UBE2E2: variants seen among roughly 807,000 people sequenced by gnomAD.
UBE2E2 encodes the protein ubiquitin conjugating enzyme E2 E2, also known as ubiquitin-conjugating enzyme E2 E2.
Under a neutral mutation model 24.7 loss-of-function variants are expected in UBE2E2, and 6 were observed. That is an observed-to-expected ratio of 0.24 (90% CI 0.13 to 0.48). The LOEUF is 0.48. Ranked by LOEUF, UBE2E2 falls within the 20% of genes least tolerant of loss-of-function variation. UBE2E2 has a pLI of 0.99. For synonymous variants in UBE2E2, 104 were observed against 83.6 expected, an observed-to-expected ratio of 1.24 and a Z score of -1.33; for missense variants, 169 against 245.0, an observed-to-expected ratio of 0.69 and a Z score of 2.07.
chr3:23,356,764 A>G (rs1695966528), intron 3 of UBE2E2, among the ~76,000 whole-genome samples: 1 of 152,262 alleles, frequency 6.6e-6, no homozygotes. Flanking sequence ...AGGTTATGCT[A>G]AATTATGCTG....
chr3:23,562,690 A>G (rs1695963634), intron 5 of UBE2E2, among the ~76,000 whole-genome samples: 1 of 152,096 alleles, frequency 6.6e-6, no homozygotes, highest in Non-Finnish European at 1.5e-5. Context: ...CTGTGAATCC[A>G]TTTGGTCCTG....
intron 3 of UBE2E2, among the ~76,000 whole-genome samples, chr3:23,270,655 T>G (rs1698215944): frequency 6.6e-6 from 1 of 152,196 alleles, no homozygotes; most frequent in African/African-American, 2.4e-5. Flanking sequence ...CTTTCAGTCT[T>G]TTAACTTGCC....
chr3:23,548,301 T>A (rs752575990), intron 5 of UBE2E2, among the ~76,000 whole-genome samples: 1 of 152,230 alleles, frequency 6.6e-6, no homozygotes, highest in Non-Finnish European at 1.5e-5. Context: ...TTACTCCTCT[T>A]TGTCTTGTTC....
intron 5 of UBE2E2, among the ~76,000 whole-genome samples, chr3:23,578,941 A>T (rs995868839): frequency 2.6e-5 from 4 of 152,118 alleles, no homozygotes; most frequent in African/African-American, 4.8e-5. Context: ...TTAAAAAAAA[A>T]TTTTTAAATA....
intron 3 of UBE2E2, among the ~76,000 whole-genome samples, chr3:23,487,989 T>A (rs533581885): frequency 4.7e-4 from 68 of 144,612 alleles, no homozygotes; most frequent in African/African-American, 1.5e-3. Flanking sequence ...AAGGAATATT[T>A]AAAAAAAAAA....
chr3:23,321,879 C>T (rs889444801), intron 3 of UBE2E2, among the ~76,000 whole-genome samples: 2 of 151,808 alleles, frequency 1.3e-5, no homozygotes, highest in African/African-American at 4.8e-5. Context: ...TTTAAAAGCA[C>T]CACCTTCCAG....
intron 5 of UBE2E2, among the ~76,000 whole-genome samples, chr3:23,546,743 G>A (rs1695533343): frequency 6.6e-6 from 1 of 151,558 alleles, no homozygotes; most frequent in Non-Finnish European, 1.5e-5. Context: ...AAATTGCTGG[G>A]ATTACAGGCA....
At chr3:23,213,780 G>A (rs1269492067) in intron 2 of UBE2E2, among the ~76,000 whole-genome samples, 1 of 152,008 alleles carries the variant, frequency 6.6e-6, no homozygotes, top group African/African-American at 2.4e-5. Context: ...TTTTAAATGG[G>A]GACTGATAAA....
chr3:23,310,154 T>G (rs1238112737), intron 3 of UBE2E2, among the ~76,000 whole-genome samples: 3 of 152,190 alleles, frequency 2.0e-5, no homozygotes, highest in African/African-American at 7.2e-5. Context: ...ACACCTTTCC[T>G]TTCCAGATAC....
At chr3:23,428,923 T>C (rs1451147466) in intron 3 of UBE2E2, among the ~76,000 whole-genome samples, 1 of 119,152 alleles carries the variant, frequency 8.4e-6, no homozygotes, top group African/African-American at 3.8e-5. Context: ...TGAGACTCTG[T>C]CTCTTAAAAA....
At position 23,509,288 on chromosome 3, in the gene UBE2E2, A is replaced by G. The variant is rs77169822; in HGVS notation, c.360+9548A>G. Among the ~76,000 whole-genome samples the G allele has an allele frequency of 6.2e-4, 95 of 152,358 alleles. 5 individuals are homozygous for G. The East Asian group carries it at 0.015, about 24-fold the overall frequency. On this transcript the variant is annotated intron_variant, in intron 4 of 5. Coordinates refer to ENST00000396703, the MANE Select transcript of UBE2E2 (RefSeq NM_152653.4). ...GGCTTTTATGGAACCAGATCAAGAC[A>G]TGGAACAGACACCCTGTGTTGATTG...
intron 3 of UBE2E2, among the ~76,000 whole-genome samples, chr3:23,428,976 A>G (rs1179431597): frequency 6.6e-6 from 1 of 151,454 alleles, no homozygotes; most frequent in African/African-American, 2.4e-5. Flanking sequence ...GGCTATCACT[A>G]CAAATATTTT....
intron 3 of UBE2E2, among the ~76,000 whole-genome samples, chr3:23,418,578 G>A (rs900607139): frequency 1.1e-4 from 16 of 152,100 alleles, no homozygotes; most frequent in African/African-American, 2.9e-4. Flanking sequence ...CCTCACCTCC[G>A]GTTACATTAT....
chr3:23,409,217 T>C (rs1177244092), intron 3 of UBE2E2, among the ~76,000 whole-genome samples: 1 of 152,172 alleles, frequency 6.6e-6, no homozygotes, highest in East Asian at 1.9e-4. Flanking sequence ...TTTTTAAAAA[T>C]TCAACACAAC....
At chr3:23,445,534 C>A (rs889176197) in intron 3 of UBE2E2, among the ~76,000 whole-genome samples, 26 of 152,206 alleles carry the variant, frequency 1.7e-4, no homozygotes, top group African/African-American at 6.0e-4. Flanking sequence ...TGCCAAACTT[C>A]TTTTACCACA....
intron 3 of UBE2E2, among the ~76,000 whole-genome samples, chr3:23,333,059 G>T (rs961480240): frequency 6.6e-6 from 1 of 152,076 alleles, no homozygotes; most frequent in Admixed American, 6.6e-5. Context: ...TCATCTGCAG[G>T]TCCCACTGAT....
intron 3 of UBE2E2, among the ~76,000 whole-genome samples, chr3:23,411,189 G>C (rs979730736): frequency 6.6e-6 from 1 of 152,168 alleles, no homozygotes; most frequent in Admixed American, 6.5e-5. Flanking sequence ...CCTCAGTTGA[G>C]GCTGTGGGTT....
At chr3:23,439,472 G>A (rs1371206500) in intron 3 of UBE2E2, among the ~76,000 whole-genome samples, 1 of 152,228 alleles carries the variant, frequency 6.6e-6, no homozygotes, top group Non-Finnish European at 1.5e-5. Context: ...TGGATTAAGG[G>A]AGATCTGGGA....
intron 3 of UBE2E2, among the ~76,000 whole-genome samples, chr3:23,218,870 G>A (rs975874485): frequency 2.0e-5 from 3 of 152,030 alleles, no homozygotes; most frequent in East Asian, 1.9e-4. Context: ...TAAAAGAAAC[G>A]TTTAACTATA....
Sources: gnomAD v4.1 joint callset for allele counts (sites outside exome capture counted in the v4.1 genomes callset) on GRCh38, gnomAD v4.1.1 for gene constraint, MANE v1.5 for transcripts, NCBI Gene and HGNC (gene_info 2026-07-23, HGNC 2026-07-21) for gene names.